The following GRK3 variants were observed in gnomAD, a reference collection of about 807,000 sequenced individuals.
The protein encoded by GRK3 is G protein-coupled receptor kinase 3.
GRK3 carries 54 observed loss-of-function variants against 95.7 expected under a neutral mutation model. That is an observed-to-expected ratio of 0.56 (90% CI 0.45 to 0.71). The LOEUF is 0.71. Ranked by LOEUF, GRK3 falls within the 30% of genes least tolerant of loss-of-function variation. GRK3 has a pLI of 0.00. For missense variants in GRK3, 649 were observed against 851.2 expected (o/e 0.76, Z 2.96); for synonymous variants, 281 against 290.8 (o/e 0.97, Z 0.34).
intron 2 of GRK3, among the ~76,000 whole-genome samples, chr22:25,617,546 T>C (rs1432972007): frequency 6.6e-6 from 1 of 152,244 alleles, no homozygotes; most frequent in Non-Finnish European, 1.5e-5. Flanking sequence ...AATATGCATT[T>C]CCATAATATG....
chr22:25,590,038 G>C (rs144608680), intron 1 of GRK3, among the ~76,000 whole-genome samples: 5,597 of 152,192 alleles, frequency 0.037, 201 homozygotes, highest in African/African-American at 0.085. Context: ...ATGGGAGCTA[G>C]AATTCAAGAT....
chr22:25,646,051 C>T (rs2084780010), intron 3 of GRK3, among the ~76,000 whole-genome samples: 1 of 152,072 alleles, frequency 6.6e-6, no homozygotes, highest in East Asian at 1.9e-4. Context: ...ACAAAGGGAG[C>T]CCTTTTTTGT....
intron 10 of GRK3, among the ~76,000 whole-genome samples, chr22:25,685,991 C>T (rs138843143): frequency 0.038 from 5,783 of 151,280 alleles, 151 homozygotes; most frequent in Non-Finnish European, 0.057. Flanking sequence ...GAGACCGAGG[C>T]GGGCGGATCA....
chr22:25,703,876 C>T (rs950215383), intron 14 of GRK3, among the ~76,000 whole-genome samples: 5 of 152,208 alleles, frequency 3.3e-5, no homozygotes, highest in Non-Finnish European at 7.3e-5. Flanking sequence ...GGAGAAATTA[C>T]TGAGATGCCA....
intron 1 of GRK3, among the ~76,000 whole-genome samples, chr22:25,602,316 A>G (rs138887284): frequency 6.6e-6 from 1 of 152,370 alleles, no homozygotes; most frequent in African/African-American, 2.4e-5. Flanking sequence ...AAAAAGACTT[A>G]CAACCCAAGT....
At chr22:25,694,786 T>C (rs1322801399) in intron 12 of GRK3, among the ~76,000 whole-genome samples, 2 of 152,130 alleles carry the variant, frequency 1.3e-5, no homozygotes, top group African/African-American at 4.8e-5. Context: ...CCCATGCACC[T>C]CCACATGAGA....
chr22:25,711,901 G>A (rs9608415), intron 17 of GRK3, among the ~76,000 whole-genome samples: 5,964 of 152,306 alleles, frequency 0.039, 172 homozygotes, highest in Non-Finnish European at 0.062. Flanking sequence ...GAAGGCTGCA[G>A]CACTATTAAA....
At chr22:25,587,742 A>G (rs1932363407) in intron 1 of GRK3, among the ~76,000 whole-genome samples, 1 of 152,180 alleles carries the variant, frequency 6.6e-6, no homozygotes, top group Non-Finnish European at 1.5e-5. Flanking sequence ...TTTCTCCCAC[A>G]CTGTTCTCGT....
chr22:25,699,169 C>G (rs2146449439), intron 13 of GRK3, among the ~76,000 whole-genome samples: 2 of 152,284 alleles, frequency 1.3e-5, no homozygotes, highest in South Asian at 4.1e-4. Context: ...ACCTGTTCTA[C>G]TTCCTCACAA....
At chr22:25,596,876 T>G (rs1471416999) in intron 1 of GRK3, among the ~76,000 whole-genome samples, 1 of 152,216 alleles carries the variant, frequency 6.6e-6, no homozygotes, top group African/African-American at 2.4e-5. Flanking sequence ...GAATCATTCA[T>G]TAATTCATTT....
rs148926552 is a variant in GRK3, at chr22:25,672,920, C to T, written c.555+573C>T. On this transcript the variant is annotated intron_variant, in intron 7 of 20. Coordinates refer to ENST00000324198, the MANE Select transcript of GRK3 (RefSeq NM_005160.4). Reference sequence around the variant, plus strand: ...TCATCCTTATTGCAGTTTGAAAATGCACACATTTCTTTGCACAGTCTTTCT... The same window carrying T: ...TCATCCTTATTGCAGTTTGAAAATGTACACATTTCTTTGCACAGTCTTTCT... Among the ~76,000 whole-genome samples, 584 of 152,074 alleles carry T rather than the reference C, an allele frequency of 3.8e-3. 5 individuals are homozygous for T. Among genetic ancestry groups the T allele is most frequent in the African/African-American group, 0.013 (539 of 41,492 alleles).
chr22:25,720,702 C>G (rs1411061244), intron 19 of GRK3, among the ~76,000 whole-genome samples: 1 of 152,018 alleles, frequency 6.6e-6, no homozygotes, highest in African/African-American at 2.4e-5. Flanking sequence ...GTCTCGAGCT[C>G]TTGACCTCGT....
At chr22:25,672,155 T>C (rs1277677349) in intron 6 of GRK3, 141 bp from the exon 7 acceptor site, 4 of 546,168 alleles carry the variant, frequency 7.3e-6, no homozygotes, top group East Asian at 3.2e-5. Context: ...GTGAATGCTC[T>C]GTGAAAAAGG....
chr22:25,660,131 A>G (rs557807044), intron 3 of GRK3, among the ~76,000 whole-genome samples: 3 of 152,350 alleles, frequency 2.0e-5, no homozygotes, highest in Admixed American at 6.5e-5. Context: ...GCAAAATACA[A>G]CAAAAGGAAT....
intron 7 of GRK3, among the ~76,000 whole-genome samples, chr22:25,674,150 A>G (rs1297644627): frequency 1.3e-5 from 2 of 152,050 alleles, no homozygotes; most frequent in African/African-American, 2.4e-5. Context: ...GTAATCTGGG[A>G]TTTGTGAGAG....
At chr22:25,688,243 A>G (rs1015189078) in intron 11 of GRK3, among the ~76,000 whole-genome samples, 2 of 151,836 alleles carry the variant, frequency 1.3e-5, no homozygotes, top group Non-Finnish European at 2.9e-5. Flanking sequence ...CTCAAAAAAA[A>G]AAAAAAAAAA....
intron 1 of GRK3, among the ~76,000 whole-genome samples, chr22:25,567,398 A>G (rs761383606): frequency 2.6e-5 from 4 of 152,186 alleles, no homozygotes; most frequent in African/African-American, 7.2e-5. Context: ...ACATCTTGCA[A>G]AATTCTCTCT....
Position 25,564,864 on chromosome 22 carries a change from G to A in GRK3, c.-177G>A, listed in dbSNP as rs1931381080. The stretch of plus-strand genomic sequence containing the variant: ...CTGCGACCCCGGCCGGCTACAGCCT[G>A]CGGCGCGCGCAGAGCGCTAGTGGGG... On this transcript the variant is annotated 5_prime_UTR_variant, in exon 1 of 21. Coordinates refer to ENST00000324198, the MANE Select transcript of GRK3 (RefSeq NM_005160.4). The A allele has an allele frequency of 7.1e-6, 1 of 140,750 alleles. No homozygotes were observed. The highest frequency in any genetic ancestry group is 2.2e-4 in the South Asian group (1 of 4,610). The allele number at this position is 140,750 out of a possible 1,614,324, so 8.7% of individuals were successfully genotyped here. A position where few individuals can be genotyped will look rare whatever the true frequency, so the allele number is the denominator to read the frequency against.
At chr22:25,694,008 C>G (rs2085186931) in intron 12 of GRK3, among the ~76,000 whole-genome samples, 1 of 152,114 alleles carries the variant, frequency 6.6e-6, no homozygotes, top group Non-Finnish European at 1.5e-5. Flanking sequence ...TCAGGCTGGT[C>G]TCAAACTCCT....
Sources: gnomAD v4.1 joint callset for allele counts (sites outside exome capture counted in the v4.1 genomes callset) on GRCh38, gnomAD v4.1.1 for gene constraint, MANE v1.5 for transcripts, NCBI Gene and HGNC (gene_info 2026-07-23, HGNC 2026-07-21) for gene names.